The following DIXDC1 variants were observed in gnomAD, a reference collection of about 807,000 sequenced individuals.
DIXDC1 encodes the protein dixin.
A neutral mutation model predicts 103.1 loss-of-function variants in DIXDC1; 64 were observed. The observed-to-expected ratio is 0.62, with a 90% CI of 0.51 to 0.76. The LOEUF is 0.76. Among genes scored for constraint, DIXDC1 ranks in the 30% least tolerant of loss-of-function variants. The pLI is 0.00. For synonymous variants in DIXDC1, 266 were observed against 298.5 expected, an observed-to-expected ratio of 0.89 and a Z score of 1.12; for missense variants, 759 against 834.2, an observed-to-expected ratio of 0.91 and a Z score of 1.11.
At chr11:111,946,246 C>A (rs1555169354) in intron 1 of DIXDC1, among the ~76,000 whole-genome samples, 1 of 151,826 alleles carries the variant, frequency 6.6e-6, no homozygotes, top group African/African-American at 2.4e-5. Flanking sequence ...GTAGCTGGGA[C>A]CACAGGCGCC....
chr11:111,973,508 C>G (rs1389837746), intron 3 of DIXDC1, among the ~76,000 whole-genome samples: 4 of 152,152 alleles, frequency 2.6e-5, no homozygotes, highest in Non-Finnish European at 4.4e-5. Flanking sequence ...ATGCTAAGTA[C>G]ATACTACACT....
At chr11:111,967,202 A>G (rs1238684067) in intron 2 of DIXDC1, among the ~76,000 whole-genome samples, 3 of 152,194 alleles carry the variant, frequency 2.0e-5, no homozygotes, top group Admixed American at 1.3e-4. Context: ...AGTTCTAGAC[A>G]TGAATATCCA....
intron 7 of DIXDC1, among the ~76,000 whole-genome samples, chr11:111,984,312 G>A (rs1369084311): frequency 1.3e-5 from 2 of 152,220 alleles, no homozygotes; most frequent in African/African-American, 4.8e-5. Context: ...TTGGGAGGCT[G>A]AGGCGGGTGG....
At chr11:112,009,804 G>A (rs587620092) in intron 17 of DIXDC1, among the ~76,000 whole-genome samples, 8 of 152,182 alleles carry the variant, frequency 5.3e-5, no homozygotes, top group South Asian at 2.1e-4. Flanking sequence ...TTGATGGAAC[G>A]TATCTCAAAA....
At chr11:111,992,895 C>T in intron 11 of DIXDC1, 56 bp from the exon 12 acceptor site, 1 of 1,551,196 alleles carries the variant, frequency 6.4e-7, no homozygotes, top group Non-Finnish European at 8.8e-7. Flanking sequence ...TAGCTGGTTT[C>T]CTTGAGGGTT....
chr11:111,937,680 A>T (rs1966261539), intron 1 of DIXDC1, 121 bp downstream of exon 1: 2 of 999,550 alleles, frequency 2.0e-6, no homozygotes, highest in African/African-American at 1.6e-5. Flanking sequence ...CGCCCCCAGA[A>T]CCCCAAAGGG....
chr11:112,018,317 C>T (rs1861659740), intron 19 of DIXDC1, among the ~76,000 whole-genome samples: 1 of 152,194 alleles, frequency 6.6e-6, no homozygotes, highest in Non-Finnish European at 1.5e-5. Flanking sequence ...ATGCCCAACT[C>T]CTTGAGTAAG....
At chr11:111,954,841 CTG>C (rs1966876005) in intron 1 of DIXDC1, among the ~76,000 whole-genome samples, 1 of 152,080 alleles carries the variant, frequency 6.6e-6, no homozygotes, top group East Asian at 1.9e-4. Flanking sequence ...AGGATGAACT[CTG>C]TGGTGTTGGG....
intron 3 of DIXDC1, among the ~76,000 whole-genome samples, chr11:111,973,019 A>C (rs1173747207): frequency 6.7e-6 from 1 of 148,784 alleles, no homozygotes; most frequent in African/African-American, 2.5e-5. Flanking sequence ...AGATCGTGCC[A>C]TTGCATTCCA....
At chr11:111,965,147 T>C (rs1859685993) in intron 2 of DIXDC1, among the ~76,000 whole-genome samples, 2 of 152,174 alleles carry the variant, frequency 1.3e-5, no homozygotes, top group East Asian at 3.8e-4. Flanking sequence ...AAAAGAGGGA[T>C]GTTACTGGCA....
At chr11:111,961,993 G>A (rs1450372129) in intron 1 of DIXDC1, among the ~76,000 whole-genome samples, 1 of 152,130 alleles carries the variant, frequency 6.6e-6, no homozygotes, top group Non-Finnish European at 1.5e-5. Context: ...AGCACCCTAT[G>A]TACCCCGTCA....
chr11:111,993,397 G>T, intron 12 of DIXDC1, 99 bp from the exon 13 acceptor site: 1 of 1,296,234 alleles, frequency 7.7e-7, no homozygotes, highest in Non-Finnish European at 1.1e-6. Context: ...TTTTTTTCCT[G>T]AGGCTCTACT....
chr11:111,951,715 G>A lies in DIXDC1; in HGVS notation c.61-12834G>A, dbSNP rs11214053. Among the ~76,000 whole-genome samples, 678 of 152,196 alleles carry A rather than the reference G, an allele frequency of 4.5e-3. 3 individuals are homozygous for A. Among genetic ancestry groups the A allele is most frequent in the African/African-American group, 0.015 (638 of 41,530 alleles). On this transcript the variant is annotated intron_variant, in intron 1 of 19. Coordinates refer to ENST00000440460, the MANE Select transcript of DIXDC1 (RefSeq NM_001037954.4). ...TCTCATGATAGTGAATAAACCTCACGATATCTGATGGCTTATGAGGCAGAG... is the reference window on the plus strand; with the variant it reads ...TCTCATGATAGTGAATAAACCTCACAATATCTGATGGCTTATGAGGCAGAG...
chr11:111,972,503 T>G (rs1227383649), intron 3 of DIXDC1, among the ~76,000 whole-genome samples: 2 of 152,210 alleles, frequency 1.3e-5, no homozygotes, highest in Non-Finnish European at 2.9e-5. Flanking sequence ...AGAATGATCT[T>G]TCTAAGAGTA....
chr11:112,015,931 TC>T (rs61641489), intron 17 of DIXDC1: 146,914 of 146,914 alleles, frequency 1, 73,457 homozygotes, highest in Non-Finnish European at 1. Flanking sequence ...TGCCTCAGCC[TC>T]CCCAAGTAAC....
chr11:111,982,071 A>G (rs587718949), intron 6 of DIXDC1: 1 of 275,908 alleles, frequency 3.6e-6, no homozygotes, highest in Admixed American at 4.9e-5. Context: ...TGTGTGGCGC[A>G]TACCAAGGCT....
chr11:111,933,213 C>T (rs1160156045), upstream of DIXDC1, among the ~76,000 whole-genome samples: 1 of 151,936 alleles, frequency 6.6e-6, no homozygotes, highest in Non-Finnish European at 1.5e-5. Context: ...ACCTCAACCT[C>T]CACCTCCCAG....
chr11:111,937,082 AGT>A (rs370219412), upstream of DIXDC1: 2,009 of 273,272 alleles, frequency 7.4e-3, no homozygotes, highest in Middle Eastern at 0.012. Flanking sequence ...AAGCCGTGTG[AGT>A]GTGTGTGTGT....
rs967221017 is a variant in DIXDC1 at position 111,958,683 on chromosome 11, G to A, written c.61-5866G>A. On this transcript the variant is annotated intron_variant, in intron 1 of 19. Coordinates refer to ENST00000440460, the MANE Select transcript of DIXDC1 (RefSeq NM_001037954.4). The surrounding 1 kb of genome is among the most constrained non-coding windows in gnomAD (Gnocchi z 4.2). Reference sequence around the variant, plus strand: ...CCGGTGAAGCCCCACCTTCAAACCAGGGAGGCCTGAAGCCTGGGGGGTCAG... The same window carrying A: ...CCGGTGAAGCCCCACCTTCAAACCAAGGAGGCCTGAAGCCTGGGGGGTCAG... Among the ~76,000 whole-genome samples, 10 of 152,172 alleles carry A rather than the reference G, an allele frequency of 6.6e-5. No homozygotes were observed. The highest frequency in any genetic ancestry group is 1.0e-4 in the Non-Finnish European group (7 of 68,018).
Sources: allele counts gnomAD v4.1 joint callset (sites outside exome capture counted in the v4.1 genomes callset), GRCh38; gene constraint gnomAD v4.1.1; non-coding constraint Gnocchi (gnomAD v3.1); transcripts MANE v1.5; gene names NCBI Gene and HGNC (gene_info 2026-07-23, HGNC 2026-07-21).